PCSK5: variants seen among roughly 807,000 people sequenced by gnomAD.
PCSK5 encodes the protein proprotein convertase subtilisin/kexin type 5.
In PCSK5, 129 loss-of-function variants were observed where a neutral mutation model predicts 233.2. The ratio of observed to expected loss-of-function variants is 0.55; its 90% confidence interval spans 0.48 to 0.64. The LOEUF is 0.64. PCSK5 is among the 30% of genes least tolerant of loss of function. The probability of loss-of-function intolerance (pLI) is 0.00; values close to 1 mark genes in which losing one functional copy is unlikely to be tolerated. For synonymous variants in PCSK5, 825 were observed against 879.2 expected (o/e 0.94, Z 1.09); for missense variants, 2,076 against 2,430.1 (o/e 0.85, Z 3.06).
chr9:76,022,526 G>C (rs1828241314), intron 3 of PCSK5, among the ~76,000 whole-genome samples: 1 of 152,080 alleles, frequency 6.6e-6, no homozygotes, highest in South Asian at 2.1e-4. Flanking sequence ...TAGCAGCACA[G>C]CTCTCCTCTT....
intron 3 of PCSK5, among the ~76,000 whole-genome samples, chr9:76,017,792 T>G (rs1828010293): frequency 1.3e-5 from 2 of 152,114 alleles, no homozygotes; most frequent in Non-Finnish European, 2.9e-5. Flanking sequence ...GTCCATCAAA[T>G]TGACTCATTA....
intron 2 of PCSK5, among the ~76,000 whole-genome samples, chr9:75,937,018 A>G (rs1466559067): frequency 1.3e-5 from 2 of 152,056 alleles, no homozygotes; most frequent in Non-Finnish European, 1.5e-5. Flanking sequence ...GACTAGGTAC[A>G]TTGTCAGTGA....
intron 5 of PCSK5, among the ~76,000 whole-genome samples, chr9:76,060,854 A>G (rs1830002767): frequency 6.6e-6 from 1 of 152,206 alleles, no homozygotes; most frequent in Admixed American, 6.5e-5. Flanking sequence ...AGAAATGAAC[A>G]TGAATATATC....
chr9:76,325,644 C>CTTTCTTTTTTTTTTTTTTTTTT (rs1230191426), intron 32 of PCSK5, among the ~76,000 whole-genome samples: 22 of 150,334 alleles, frequency 1.5e-4, no homozygotes, highest in African/African-American at 2.7e-4. Context: ...ATTGCACTTT[C>CTTTCTTTTTTTTTTTTTTTTTT]TTTTTTTTGA....
chr9:76,110,249 A>C (rs1587640584), intron 9 of PCSK5, among the ~76,000 whole-genome samples: 1 of 152,268 alleles, frequency 6.6e-6, no homozygotes, highest in East Asian at 1.9e-4. Context: ...TTCATTCAGT[A>C]ACTGGATATG....
At chr9:76,218,525 A>AC (rs1250347302) in intron 20 of PCSK5, among the ~76,000 whole-genome samples, 1 of 152,138 alleles carries the variant, frequency 6.6e-6, no homozygotes, top group Admixed American at 6.5e-5. Flanking sequence ...TGGAGCTGAG[A>AC]CCCCTAACTA....
chr9:76,346,690 C>T (rs1233733447), intron 35 of PCSK5, among the ~76,000 whole-genome samples: 1 of 151,972 alleles, frequency 6.6e-6, no homozygotes, highest in East Asian at 1.9e-4. Flanking sequence ...TCTGGTTTTG[C>T]AACATACAGA....
At chr9:76,078,905 T>C (rs901066311) in intron 7 of PCSK5, among the ~76,000 whole-genome samples, 6 of 152,314 alleles carry the variant, frequency 3.9e-5, no homozygotes, top group Middle Eastern at 3.4e-3. Context: ...TCTATAGATT[T>C]CTCTGGGCAG....
chr9:75,904,927 A>G (rs1826195026), intron 1 of PCSK5, among the ~76,000 whole-genome samples: 1 of 152,242 alleles, frequency 6.6e-6, no homozygotes, highest in South Asian at 2.1e-4. Context: ...AATGGATACA[A>G]TTTGGTGTAT....
upstream of PCSK5, among the ~76,000 whole-genome samples, chr9:75,890,356 C>A (rs1289523715): frequency 6.6e-6 from 1 of 152,168 alleles, no homozygotes; most frequent in Non-Finnish European, 1.5e-5. Flanking sequence ...GCGGTTAATT[C>A]GCACCGGCGT....
intron 2 of PCSK5, among the ~76,000 whole-genome samples, chr9:75,985,736 A>G (rs1826483593): frequency 6.6e-6 from 1 of 152,202 alleles, no homozygotes; most frequent in South Asian, 2.1e-4. Context: ...TGACCTGCAA[A>G]GCCTAAAATA....
chr9:76,022,016 A>G (rs925174257), intron 3 of PCSK5, among the ~76,000 whole-genome samples: 1 of 152,170 alleles, frequency 6.6e-6, no homozygotes, highest in Admixed American at 6.5e-5. Flanking sequence ...CTACCAGGAC[A>G]CTTGTCCCTA....
chr9:76,244,562 GGTT>G (rs556051274), intron 24 of PCSK5, among the ~76,000 whole-genome samples: 1,753 of 139,082 alleles, frequency 0.013, 28 homozygotes, highest in African/African-American at 0.029. Context: ...AAAATCCTGG[GGTT>G]TTTTTTTTTT....
Position 76,134,176 on chromosome 9 carries a change from G to A in PCSK5, c.1276G>A (p.Ala426Thr), listed in dbSNP as rs774941792. The A allele has an allele frequency of 2.5e-6, 4 of 1,608,698 alleles. No individual in the cohort carries two copies. The highest frequency in any genetic ancestry group is 3.4e-6 in the Non-Finnish European group (4 of 1,177,170). ...GACTTCCCGTGCGGGACATTTGAACGCTAATGACTGGAAAACCAATGCTGC... is the reference window on the plus strand; with the variant it reads ...GACTTCCCGTGCGGGACATTTGAACACTAATGACTGGAAAACCAATGCTGC... ...VRTSRAGHLN[A>T]NDWKTNAAGF... Residue 426 changes from alanine (A) to threonine (T), a missense_variant, in exon 10 of 38, where the codon GCT (alanine) becomes ACT (threonine). Transcript: ENST00000674117.
At chr9:75,989,432 T>G (rs1287297946) in intron 3 of PCSK5, among the ~76,000 whole-genome samples, 1 of 151,944 alleles carries the variant, frequency 6.6e-6, no homozygotes, top group African/African-American at 2.4e-5. Flanking sequence ...AGGCAGAGGT[T>G]GCAGTGAGCC....
In PCSK5 at chr9:76,189,699, A is replaced by T; in HGVS notation, c.2579A>T (p.Tyr860Phe). 1.2e-6 allele frequency: 2 copies of T among 1,612,800 alleles called. No individual in the cohort carries two copies. Among genetic ancestry groups the T allele is most frequent in the Non-Finnish European group, 1.7e-6 (2 of 1,178,892 alleles). ...FKNCTSCPSG[Y>F]LLDLGMCQMG... ...AACTGTACAAGCTGCCCTAGTGGGT[A>T]TCTCTTAGACTTAGGAATGTGTCAA... The change falls in exon 20 of 38, where the codon TAT (tyrosine) becomes TTT (phenylalanine). Residue 860 changes from tyrosine to phenylalanine, a missense_variant. By Grantham distance (22) the Tyr-to-Phe change is conservative. Around this residue, in one of 6 missense-constraint regions of PCSK5, gnomAD observed 1,510 missense variants for 1,538.1 expected, o/e 0.98. Transcript: ENST00000674117.
At chr9:76,196,277 C>A (rs939708943) in intron 20 of PCSK5, among the ~76,000 whole-genome samples, 1 of 152,206 alleles carries the variant, frequency 6.6e-6, no homozygotes, top group East Asian at 1.9e-4. Flanking sequence ...GGTTAGGAGC[C>A]ATGGCTGGGG....
intron 17 of PCSK5, among the ~76,000 whole-genome samples, 191 bp from the exon 18 acceptor site, chr9:76,188,387 C>T (rs1321723248): frequency 1.3e-5 from 2 of 151,952 alleles, no homozygotes; most frequent in Non-Finnish European, 2.9e-5. Flanking sequence ...TCATTGTAGG[C>T]ACAGAGAAGC....
intron 2 of PCSK5, among the ~76,000 whole-genome samples, chr9:75,951,232 C>G (rs748902000): frequency 1.3e-4 from 20 of 152,200 alleles, no homozygotes; most frequent in Non-Finnish European, 1.8e-4. Context: ...CTGGTCTTTT[C>G]CAGTTTCGTG....
Sources: gnomAD v4.1 joint callset for allele counts (sites outside exome capture counted in the v4.1 genomes callset) on GRCh38, gnomAD v4.1.1 for gene constraint, gnomAD v4.1.1 regional missense constraint, MANE v1.5 for transcripts, NCBI Gene and HGNC (gene_info 2026-07-23, HGNC 2026-07-21) for gene names.